Variants in TUBGCP5 observed in about 807,000 individuals in gnomAD.
TUBGCP5 encodes the protein tubulin gamma complex component 5, also known as gamma-tubulin complex component 5.
TUBGCP5 carries 98 observed loss-of-function variants against 134.7 expected under a neutral mutation model. That is an observed-to-expected ratio of 0.73 (90% CI 0.62 to 0.86). The LOEUF is 0.86. TUBGCP5 is among the 40% of genes least tolerant of loss of function. The pLI is 0.00. For missense variants in TUBGCP5, 1,150 were observed against 1,244.8 expected, an observed-to-expected ratio of 0.92 and a Z score of 1.15; for synonymous variants, 456 against 431.4, an observed-to-expected ratio of 1.06 and a Z score of -0.71.
downstream of TUBGCP5, chr15:22,996,968 A>T (rs930285314): frequency 6.7e-6 from 1 of 150,336 alleles, no homozygotes; most frequent in Non-Finnish European, 1.5e-5. Context: ...CCTTGCATCA[A>T]TGAAAAAAAA....
At position 23,037,035 on chromosome 15, in the gene TUBGCP5, T is replaced by C. The variant is rs756533575; in HGVS notation, c.201-30A>G. ...AATATAAGAAAAGATTATAAAGCTA[T>C]CTTAAAAAGATCTATAAGAAAATAC... On this transcript the variant is annotated intron_variant, in intron 2 of 22. Coordinates refer to ENST00000615383, the MANE Select transcript of TUBGCP5 (RefSeq NM_052903.6). The C allele has an allele frequency of 5.0e-6, 8 of 1,594,928 alleles. No homozygotes were observed. In the South Asian group the frequency reaches 8.0e-5, roughly 16 times the overall value.
At chr15:23,023,669 G>A (rs2065834291) in intron 10 of TUBGCP5, 1 of 320,202 alleles carries the variant, frequency 3.1e-6, no homozygotes, top group Non-Finnish European at 5.8e-6. Flanking sequence ...TGCGTAAGAA[G>A]CCAAGGACCT....
chr15:23,027,602 A>C (rs998394499), intron 6 of TUBGCP5, among the ~76,000 whole-genome samples: 1 of 151,740 alleles, frequency 6.6e-6, no homozygotes, highest in Admixed American at 6.6e-5. Context: ...AAAAATACAA[A>C]AAAATTAGCC....
At chr15:23,037,257 A>G (rs1183491503) in intron 1 of TUBGCP5, 105 bp from the exon 2 acceptor site, 1 of 1,060,832 alleles carries the variant, frequency 9.4e-7, no homozygotes, top group Non-Finnish European at 1.4e-6. Flanking sequence ...TCAGCTACAC[A>G]TTTCCAGAAT....
At chr15:23,030,807 G>A (rs2066264829) in intron 6 of TUBGCP5, 78 bp downstream of exon 6, 2 of 1,551,382 alleles carry the variant, frequency 1.3e-6, no homozygotes, top group South Asian at 1.2e-5. Context: ...TGATTACATG[G>A]AACTGATCTC....
chr15:23,030,285 A>C (rs375064476), intron 6 of TUBGCP5, among the ~76,000 whole-genome samples: 1 of 152,182 alleles, frequency 6.6e-6, no homozygotes, highest in East Asian at 1.9e-4. Context: ...TTAAGACATA[A>C]TACTACAAAG....
intron 23 of TUBGCP5, among the ~76,000 whole-genome samples, chr15:22,993,534 T>TG (rs2063929286): frequency 1.1e-5 from 1 of 91,144 alleles, no homozygotes; most frequent in African/African-American, 4.5e-5. Context: ...AGTTTTTTTT[T>TG]TTTTTTTTTT....
chr15:23,034,988 AG>A (rs967086857), intron 3 of TUBGCP5, among the ~76,000 whole-genome samples: 26 of 152,154 alleles, frequency 1.7e-4, no homozygotes, highest in African/African-American at 6.0e-4. Context: ...TACTAAAATC[AG>A]AAAATAAAGA....
intron 13 of TUBGCP5, among the ~76,000 whole-genome samples, chr15:23,012,195 C>A (rs1474817716): frequency 6.6e-6 from 1 of 151,046 alleles, no homozygotes; most frequent in African/African-American, 2.4e-5. Context: ...ACTATGGTAA[C>A]CCTGATAGGA....
chr15:23,030,148 T>C (rs2066223848), intron 6 of TUBGCP5, among the ~76,000 whole-genome samples: 1 of 152,064 alleles, frequency 6.6e-6, no homozygotes, highest in South Asian at 2.1e-4. Context: ...TGAGCTAAGA[T>C]TGTGCCACTG....
At chr15:23,037,582 T>C (rs1050376689) in intron 1 of TUBGCP5, among the ~76,000 whole-genome samples, 4 of 152,142 alleles carry the variant, frequency 2.6e-5, no homozygotes, top group African/African-American at 9.7e-5. Context: ...TTGTCAAATA[T>C]TTAAAGAAGT....
intron 2 of TUBGCP5, 45 bp downstream of exon 2, chr15:23,037,054 A>G: frequency 1.3e-6 from 2 of 1,599,396 alleles, no homozygotes; most frequent in Non-Finnish European, 1.7e-6. Flanking sequence ...GATCTATAAG[A>G]AAATACATAT....
downstream of TUBGCP5, among the ~76,000 whole-genome samples, chr15:22,998,032 T>C (rs979882178): frequency 6.6e-6 from 1 of 151,986 alleles, no homozygotes; most frequent in South Asian, 2.1e-4. Context: ...CTCAGAAATA[T>C]TGCCAGGCAC....
rs962921354 is a variant in TUBGCP5, at chr15:23,003,971, C to G, written c.2838+131G>C. Reference sequence around the variant, plus strand: ...GCCGGCCTGGGGCATTTGTTTGTAACCTCATTTCATCTGGTTCTTCCTTAA... The same window carrying G: ...GCCGGCCTGGGGCATTTGTTTGTAAGCTCATTTCATCTGGTTCTTCCTTAA... On this transcript the variant is annotated intron_variant, in intron 20 of 22. Coordinates refer to ENST00000615383, the MANE Select transcript of TUBGCP5 (RefSeq NM_052903.6). The G allele has an allele frequency of 4.0e-6, 5 of 1,237,250 alleles. No individual in the cohort carries two copies. In the African/African-American group the frequency reaches 7.8e-5, roughly 19 times the overall value. The allele number at this position is 1,237,250 out of a possible 1,614,324, so 76.6% of individuals were successfully genotyped here. A position where few individuals can be genotyped will look rare whatever the true frequency, so the allele number is the denominator to read the frequency against.
chr15:23,036,847 G>T (rs754266782), intron 3 of TUBGCP5, 50 bp downstream of exon 3: 3 of 1,209,146 alleles, frequency 2.5e-6, no homozygotes, highest in Non-Finnish European at 2.4e-6. Flanking sequence ...ACGATAATCA[G>T]ATAGGAAACA....
intron 16 of TUBGCP5, among the ~76,000 whole-genome samples, chr15:23,008,032 G>A (rs542912876): frequency 2.6e-4 from 39 of 152,256 alleles, no homozygotes; most frequent in African/African-American, 8.4e-4. Context: ...GCCATGTGAA[G>A]GAGGCCATCA....
chr15:22,998,804 A>G (rs11631137), downstream of TUBGCP5, among the ~76,000 whole-genome samples: 33,279 of 151,926 alleles, frequency 0.22, 4,225 homozygotes, highest in South Asian at 0.28. Flanking sequence ...TTTAGTAGAG[A>G]CGGGGTTTCA....
intron 21 of TUBGCP5, 149 bp downstream of exon 21, chr15:23,002,916 A>G: frequency 3.7e-6 from 2 of 543,302 alleles, no homozygotes; most frequent in Non-Finnish European, 3.0e-6. Context: ...GGGTTTTGCT[A>G]TGTTGCCCAG....
At chr15:23,018,660 G>A (rs373340294) in intron 12 of TUBGCP5, among the ~76,000 whole-genome samples, 3 of 152,056 alleles carry the variant, frequency 2.0e-5, no homozygotes, top group Non-Finnish European at 4.4e-5. Context: ...TAAATATACC[G>A]CATAATTTAA....
Sources: gnomAD v4.1 joint callset for allele counts (sites outside exome capture counted in the v4.1 genomes callset) on GRCh38, gnomAD v4.1.1 for gene constraint, MANE v1.5 for transcripts, NCBI Gene and HGNC (gene_info 2026-07-23, HGNC 2026-07-21) for gene names.